Variants in RMC1 observed in about 807,000 individuals in gnomAD.
RMC1 encodes regulator of MON1-CCZ1, also known as regulator of MON1-CCZ1 complex.
A neutral mutation model predicts 95.5 loss-of-function variants in RMC1; 44 were observed. That is an observed-to-expected ratio of 0.46 (90% CI 0.36 to 0.59). The LOEUF is 0.59. Ranked by LOEUF, RMC1 falls within the 20% of genes least tolerant of loss-of-function variation. RMC1 has a pLI of 0.00. For synonymous variants in RMC1, 320 were observed against 303.6 expected (o/e 1.05, Z -0.56); for missense variants, 705 against 819.6 (o/e 0.86, Z 1.71).
rs2058352003 is a variant in RMC1, at chr18:23,527,860, G to A, written c.1255G>A (p.Glu419Lys). 1.2e-6 allele frequency: 2 copies of A among 1,614,108 alleles called. No individual in the cohort carries two copies. Among genetic ancestry groups the A allele is most frequent in the Non-Finnish European group, 1.7e-6 (2 of 1,180,014 alleles). The part of the protein sequence containing the change: ...IATVFDKLNH[E>K]YKKYLDAEQS... ...CACTGTTTTTGATAAACTCAACCAT[G>A]AGTATAAAAAGTACCTGGATGCCGA... The change falls in exon 14 of 20, where the codon GAG (glutamate) becomes AAG (lysine). Residue 419 changes from glutamate to lysine, a missense_variant. Physicochemically the swap from Glu to Lys is moderately conservative, Grantham distance 56. Coordinates refer to ENST00000269221, the MANE Select transcript of RMC1 (RefSeq NM_013326.5).
chr18:23,528,352 G>A (rs1293748731), intron 14 of RMC1: 1 of 156,946 alleles, frequency 6.4e-6, no homozygotes, highest in African/African-American at 2.4e-5. Flanking sequence ...TTAGCACTTA[G>A]CAGGCGTGTT....
intron 1 of RMC1, among the ~76,000 whole-genome samples, chr18:23,504,065 C>G (rs1365092357): frequency 1.3e-5 from 2 of 152,196 alleles, no homozygotes; most frequent in African/African-American, 4.8e-5. Context: ...TTTTCATTTT[C>G]CTTGAAATTT....
At chr18:23,515,560 G>A (rs914838693) in intron 5 of RMC1, among the ~76,000 whole-genome samples, 3 of 152,132 alleles carry the variant, frequency 2.0e-5, no homozygotes, top group South Asian at 2.1e-4. Context: ...ACTGAATCTC[G>A]CTCTGTCACT....
At chr18:23,529,856 TGGAATG>T (rs765982156) in intron 16 of RMC1, 144 bp downstream of exon 16, 51 of 1,048,298 alleles carry the variant, frequency 4.9e-5, no homozygotes, top group Non-Finnish European at 7.1e-5. Context: ...CATTATTAGT[TGGAATG>T]GGAAGTGTAA....
chr18:23,513,299 A>G (rs1278148912), intron 5 of RMC1, among the ~76,000 whole-genome samples: 1 of 152,192 alleles, frequency 6.6e-6, no homozygotes, highest in African/African-American at 2.4e-5. Context: ...ATTATACAGT[A>G]TTTGTCCCTT....
Position 23,518,949 on chromosome 18 carries a change from G to A in RMC1, c.713G>A (p.Gly238Glu), listed in dbSNP as rs773276348. ...CATTCTCGGACCTCCAACAGCACAG[G>A]AGCGGAGGTGGTCCTCTATCATCTA... The part of the protein sequence containing the change: ...RHHSRTSNST[G>E]AEVVLYHLPR... Residue 238 changes from glycine (G) to glutamate (E), a missense_variant, in exon 8 of 20, where the codon GGA (glycine) becomes GAA (glutamate). By Grantham distance (98) the Gly-to-Glu change is moderately conservative (BLOSUM62 -2). Coordinates refer to ENST00000269221, the MANE Select transcript of RMC1 (RefSeq NM_013326.5). The A allele has an allele frequency of 6.2e-7, 1 of 1,614,190 alleles. No individual in the cohort carries two copies. Among genetic ancestry groups the A allele is most frequent in the Non-Finnish European group, 8.5e-7 (1 of 1,180,028 alleles).
chr18:23,520,129 G>A (rs975747306), intron 9 of RMC1, 73 bp from the exon 10 acceptor site: 5 of 1,123,042 alleles, frequency 4.5e-6, no homozygotes, highest in Non-Finnish European at 5.4e-6. Flanking sequence ...TAAACAGCAA[G>A]ATGGGATGGA....
chr18:23,519,153 C>A lies in RMC1; in HGVS notation c.828C>A (p.Val276=). The A allele has an allele frequency of 6.2e-7, 1 of 1,613,956 alleles. No homozygotes were observed. Among genetic ancestry groups the A allele is most frequent in the South Asian group, 1.1e-5 (1 of 91,052 alleles). ...TGAACGTGGTGGACAACCTGGTAGT[C>A]GTGCATCATCAGGATACAGAGGTAC... is the stretch of plus-strand genomic sequence containing the variant. ...FALNVVDNLV[V]VHHQDTETSV... is the part of the protein sequence containing the mutation. The change falls in exon 9 of 20, where the codon GTC becomes GTA. Residue 276 remains valine, a synonymous_variant. Coordinates refer to ENST00000269221, the MANE Select transcript of RMC1 (RefSeq NM_013326.5).
chr18:23,511,713 G>T (rs1172214973), intron 5 of RMC1, among the ~76,000 whole-genome samples: 1 of 151,514 alleles, frequency 6.6e-6, no homozygotes, highest in Non-Finnish European at 1.5e-5. Flanking sequence ...TTCTGACTGG[G>T]TAGTATTCCA....
At chr18:23,520,424 T>C (rs2058113090) in intron 10 of RMC1, 111 bp downstream of exon 10, 1 of 890,478 alleles carries the variant, frequency 1.1e-6, no homozygotes, top group Non-Finnish European at 1.7e-6. Context: ...AAACAGAGAT[T>C]CCCAGATCTG....
chr18:23,523,832 AC>A (rs1164556549), intron 10 of RMC1, among the ~76,000 whole-genome samples: 1 of 152,166 alleles, frequency 6.6e-6, no homozygotes, highest in Admixed American at 6.5e-5. Flanking sequence ...CAGTTCCTTA[AC>A]GTGCATATGT....
rs766090870 is a variant in RMC1 at position 23,527,940 on chromosome 18, C to T, written c.1296+39C>T. 4 of 1,462,908 alleles carry T rather than the reference C, an allele frequency of 2.7e-6. No homozygotes were observed. The East Asian group carries it at 7.0e-5, about 25-fold the overall frequency. 90.6% of individuals were successfully genotyped at this position (1,462,908 alleles called of 1,614,324 possible). A position where few individuals can be genotyped will look rare whatever the true frequency, so the allele number is the denominator to read the frequency against. Reference sequence around the variant, plus strand: ...AGTATGACAAAGGGTCCTCCTCCCCCACCCCCTCCCGGGTATTTTCTAAGT... The same window carrying T: ...AGTATGACAAAGGGTCCTCCTCCCCTACCCCCTCCCGGGTATTTTCTAAGT... On this transcript the variant is annotated intron_variant, in intron 14 of 19. Transcript: ENST00000269221.
chr18:23,517,528 G>C (rs1197410671), intron 7 of RMC1, among the ~76,000 whole-genome samples: 3 of 152,084 alleles, frequency 2.0e-5, no homozygotes, highest in Non-Finnish European at 4.4e-5. Flanking sequence ...ACACAATAGA[G>C]ACTAATAAAA....
Position 23,503,545 on chromosome 18 carries a change from C to G in RMC1, c.-74C>G, listed in dbSNP as rs905310999. The G allele has an allele frequency of 9.0e-7, 1 of 1,110,432 alleles. No homozygotes were observed. The highest frequency in any genetic ancestry group is 1.2e-6 in the Non-Finnish European group (1 of 818,364). 68.8% of individuals were successfully genotyped at this position (1,110,432 alleles called of 1,614,324 possible). ...GCCGCAGCCGCCGCTACAGTCCGGG[C>G]CGGGCTCCACCGCGCATCCTGCTCC... On this transcript the variant is annotated 5_prime_UTR_variant, in exon 1 of 20. Coordinates refer to ENST00000269221, the MANE Select transcript of RMC1 (RefSeq NM_013326.5).
At chr18:23,527,589 C>CTTTTTT (rs71163615) in intron 13 of RMC1, among the ~76,000 whole-genome samples, 2 of 108,366 alleles carry the variant, frequency 1.8e-5, no homozygotes, top group African/African-American at 3.6e-5. Flanking sequence ...CCTGCTATAG[C>CTTTTTT]TTTTTTTTTT....
At chr18:23,529,354 G>T in intron 15 of RMC1, 56 bp downstream of exon 15, 1 of 1,563,644 alleles carries the variant, frequency 6.4e-7, no homozygotes. Flanking sequence ...CAAGGAAGTT[G>T]CTGAAAACGA....
At chr18:23,530,634 T>C (rs751595287) in intron 19 of RMC1, 22 bp downstream of exon 19, 54 of 1,606,558 alleles carry the variant, frequency 3.4e-5, no homozygotes, top group Non-Finnish European at 4.4e-5. Flanking sequence ...ATGAAAAGAC[T>C]TGGGGTAACC....
chr18:23,512,997 A>G (rs1598857929), intron 5 of RMC1, among the ~76,000 whole-genome samples: 1 of 152,010 alleles, frequency 6.6e-6, no homozygotes, highest in Non-Finnish European at 1.5e-5. Flanking sequence ...TCTGTTGCCC[A>G]GGCTGGAGTG....
chr18:23,524,197 A>G lies in RMC1; in HGVS notation c.1006+23A>G, dbSNP rs766817459. On this transcript the variant is annotated intron_variant, in intron 11 of 19. Transcript: ENST00000269221. Reference sequence around the variant, plus strand: ...TCTGTATCCTTTACTAAGGTGTGGCACCGTGCACAACAGGGCAAGTGGTCA... The same window carrying G: ...TCTGTATCCTTTACTAAGGTGTGGCGCCGTGCACAACAGGGCAAGTGGTCA... The G allele has an allele frequency of 1.1e-5, 18 of 1,612,234 alleles. No individual in the cohort carries two copies. In the South Asian group the frequency reaches 2.0e-4, roughly 18 times the overall value.
Sources: allele counts gnomAD v4.1 joint callset (sites outside exome capture counted in the v4.1 genomes callset), GRCh38; gene constraint gnomAD v4.1.1; transcripts MANE v1.5; gene names NCBI Gene and HGNC (gene_info 2026-07-23, HGNC 2026-07-21).